MAP3K20: variants seen among roughly 807,000 people sequenced by gnomAD.
The protein encoded by MAP3K20 is HCCS-4.
MAP3K20 carries 40 observed loss-of-function variants against 85.7 expected under a neutral mutation model. That is an observed-to-expected ratio of 0.47 (90% CI 0.36 to 0.61). The LOEUF (loss-of-function observed/expected upper bound fraction) is 0.61. Among genes scored for constraint, MAP3K20 ranks in the 20% least tolerant of loss-of-function variants. The pLI, the probability that MAP3K20 is intolerant of heterozygous loss-of-function variation, is 0.00. For synonymous variants in MAP3K20, 325 were observed against 327.7 expected (o/e 0.99, Z 0.09); for missense variants, 817 against 961.7 (o/e 0.85, Z 1.99).
At chr2:173,222,234 G>A in intron 11 of MAP3K20, 1 of 985,678 alleles carries the variant, frequency 1.0e-6, no homozygotes, top group Non-Finnish European at 1.2e-6. Context: ...AGAATTGATA[G>A]TACAAAATCC....
intron 2 of MAP3K20, among the ~76,000 whole-genome samples, chr2:173,115,826 G>A (rs561862822): frequency 6.6e-6 from 1 of 152,216 alleles, no homozygotes; most frequent in East Asian, 1.9e-4. Flanking sequence ...GGCGGGGGAT[G>A]CAGTGGACTC....
intron 16 of MAP3K20, 51 bp from the exon 17 acceptor site, chr2:173,258,644 TAAAA>T (rs558101273): frequency 1.1e-6 from 1 of 903,568 alleles, no homozygotes; most frequent in East Asian, 3.0e-5. Context: ...ATATTGAGAC[TAAAA>T]AAAAAATTGT....
At chr2:173,129,679 C>T (rs868384245) in intron 2 of MAP3K20, among the ~76,000 whole-genome samples, 1 of 152,180 alleles carries the variant, frequency 6.6e-6, no homozygotes, top group Non-Finnish European at 1.5e-5. Flanking sequence ...TTTGTGCTTT[C>T]ATAAGTGCTT....
chr2:173,191,238 AAGAG>A (rs3037119), intron 7 of MAP3K20, 61 bp downstream of exon 7: 30 of 1,597,648 alleles, frequency 1.9e-5, no homozygotes, highest in Non-Finnish European at 2.5e-5. Context: ...CACTCAAAAG[AAGAG>A]AGATACAGTT....
chr2:173,138,872 T>C (rs1490479499), intron 2 of MAP3K20, among the ~76,000 whole-genome samples: 2 of 152,268 alleles, frequency 1.3e-5, no homozygotes, highest in Non-Finnish European at 2.9e-5. Context: ...GCTAGGGCCA[T>C]AGTACCACAT....
chr2:173,189,032 TAC>T (rs1316471479), intron 5 of MAP3K20, among the ~76,000 whole-genome samples: 1 of 152,310 alleles, frequency 6.6e-6, no homozygotes, highest in East Asian at 1.9e-4. Context: ...TTTAAAAAGT[TAC>T]AGTTATATGT....
At chr2:173,222,782 T>A (rs774180863) in intron 11 of MAP3K20, 4 of 985,422 alleles carry the variant, frequency 4.1e-6, no homozygotes, top group Non-Finnish European at 4.8e-6. Flanking sequence ...ATAATGTTGG[T>A]GTTTTAGAAG....
chr2:173,196,768 C>T (rs1425583044), intron 7 of MAP3K20, among the ~76,000 whole-genome samples: 1 of 152,124 alleles, frequency 6.6e-6, no homozygotes, highest in Non-Finnish European at 1.5e-5. Flanking sequence ...AAATCTGAGT[C>T]GAAGCCACTG....
chr2:173,248,006 G>A (rs1332879713), intron 16 of MAP3K20, among the ~76,000 whole-genome samples: 1 of 152,206 alleles, frequency 6.6e-6, no homozygotes, highest in African/African-American at 2.4e-5. Context: ...GTAAGCGAAA[G>A]TCATTACATG....
chr2:173,171,632 T>C (rs552235342), intron 3 of MAP3K20, among the ~76,000 whole-genome samples: 10 of 152,334 alleles, frequency 6.6e-5, no homozygotes, highest in African/African-American at 1.9e-4. Context: ...CCAGGAAGTT[T>C]TCTTCCATTC....
At chr2:173,222,639 G>T (rs1038062101) in intron 11 of MAP3K20, 1 of 985,246 alleles carries the variant, frequency 1.0e-6, no homozygotes, top group Admixed American at 6.2e-5. Flanking sequence ...CATATGCTCA[G>T]CTATTTTAAA....
chr2:173,088,553 C>A (rs927735094), intron 1 of MAP3K20, among the ~76,000 whole-genome samples: 7 of 152,108 alleles, frequency 4.6e-5, no homozygotes, highest in Non-Finnish European at 1.0e-4. Flanking sequence ...TTAGTTGCGT[C>A]TAGAGAGTGG....
chr2:173,111,732 G>C (rs994918091), intron 2 of MAP3K20, among the ~76,000 whole-genome samples: 4 of 152,152 alleles, frequency 2.6e-5, no homozygotes, highest in African/African-American at 9.7e-5. Flanking sequence ...TCAGTTGGCT[G>C]TAAGTATTTG....
At chr2:173,096,371 G>T (rs569895167) in intron 2 of MAP3K20, among the ~76,000 whole-genome samples, 2 of 140,872 alleles carry the variant, frequency 1.4e-5, no homozygotes, top group African/African-American at 2.7e-5. Flanking sequence ...ACAGAGTCTC[G>T]CTCTTTTGCC....
At chr2:173,265,769 G>GTTT (rs1685404875) in intron 19 of MAP3K20, among the ~76,000 whole-genome samples, 1 of 152,118 alleles carries the variant, frequency 6.6e-6, no homozygotes, top group Admixed American at 6.5e-5. Context: ...AAAACTATTA[G>GTTT]TGTTTACCTA....
chr2:173,158,655 C>G (rs1348223456), intron 2 of MAP3K20, among the ~76,000 whole-genome samples: 1 of 152,166 alleles, frequency 6.6e-6, no homozygotes, highest in Non-Finnish European at 1.5e-5. Context: ...TACTCATAAG[C>G]TTGACTTGCT....
chr2:173,113,215 A>G (rs554376221), intron 2 of MAP3K20, among the ~76,000 whole-genome samples: 1 of 152,192 alleles, frequency 6.6e-6, no homozygotes, highest in African/African-American at 2.4e-5. Flanking sequence ...GATCTTTTGT[A>G]TTTAAATGAT....
chr2:173,135,158 GA>G (rs1165634563), intron 2 of MAP3K20, among the ~76,000 whole-genome samples: 1 of 151,942 alleles, frequency 6.6e-6, no homozygotes, highest in African/African-American at 2.4e-5. Flanking sequence ...TAAAAATATT[GA>G]AAAAAAGTTT....
chr2:173,207,134 A>G lies in MAP3K20; in HGVS notation c.745-2595A>G, dbSNP rs1455602921. 2.0e-5 allele frequency among the ~76,000 whole-genome samples: 3 copies of G among 152,004 alleles called. No homozygotes were observed. The East Asian group carries it at 5.8e-4, about 29-fold the overall frequency. On this transcript the variant is annotated intron_variant, in intron 9 of 19. Coordinates refer to ENST00000375213, the MANE Select transcript of MAP3K20 (RefSeq NM_016653.3). ...AGGTGCTCAAAATATTTTATTGAAG[A>G]GAAGGAGAAAAAAAGGAAAGGTGGG...
Sources: gnomAD v4.1 joint callset for allele counts (sites outside exome capture counted in the v4.1 genomes callset) on GRCh38, gnomAD v4.1.1 for gene constraint, MANE v1.5 for transcripts, NCBI Gene and HGNC (gene_info 2026-07-23, HGNC 2026-07-21) for gene names.